The following DNAJB5 variants were observed in gnomAD, a reference collection of about 807,000 sequenced individuals.
DNAJB5 encodes DnaJ heat shock protein family (Hsp40) member B5.
DNAJB5 carries 12 observed loss-of-function variants against 32.6 expected under a neutral mutation model. The observed-to-expected ratio is 0.37, with a 90% CI of 0.24 to 0.60. The LOEUF (loss-of-function observed/expected upper bound fraction) is 0.60. DNAJB5 is among the 20% of genes least tolerant of loss of function. DNAJB5 has a pLI of 0.71. For synonymous variants in DNAJB5, 188 were observed against 212.9 expected (o/e 0.88, Z 1.02); for missense variants, 358 against 554.2 (o/e 0.65, Z 3.55).
In DNAJB5 at chr9:34,996,145, TG is replaced by T; in HGVS notation, c.428-117del. 1 of 1,343,338 alleles carries T rather than the reference TG, an allele frequency of 7.4e-7. No individual in the cohort carries two copies. The highest frequency in any genetic ancestry group is 1.0e-6 in the Non-Finnish European group (1 of 1,002,410). 83.2% of individuals were successfully genotyped at this position (1,343,338 alleles called of 1,614,324 possible). A position where few individuals can be genotyped will look rare whatever the true frequency, so the allele number is the denominator to read the frequency against. On this transcript the variant is annotated intron_variant, in intron 3 of 4. Transcript: ENST00000682809. The surrounding 1 kb of genome is among the most constrained non-coding windows in gnomAD (Gnocchi z 7.2). ...TACTCTATTAGCCTGGCCCTCTCTG[TG>T]GGATTTAAAGGTTGCTTCTTTCTTT...
chr9:34,996,613 C>T lies in DNAJB5; in HGVS notation c.776C>T (p.Thr259Ile). Reference sequence around the variant, plus strand: ...CTGGAGGAGATCTACCATGGCTCCACCAAGCGCATGAAGATCACAAGGCGT... The same window carrying T: ...CTGGAGGAGATCTACCATGGCTCCATCAAGCGCATGAAGATCACAAGGCGT... ...VSLEEIYHGS[T>I]KRMKITRRRL... Residue 259 changes from threonine to isoleucine, a missense_variant, in exon 4 of 5, where the codon ACC becomes ATC. By Grantham distance (89) the Thr-to-Ile change is moderately conservative. This residue lies in a region of DNAJB5 where 248 missense variants were observed against 442.6 expected (regional missense o/e 0.56). Coordinates refer to ENST00000682809, the MANE Select transcript of DNAJB5 (RefSeq NM_001349723.3). This position sits in a 1 kb window ranked among gnomAD's most constrained non-coding sequence, Gnocchi z 7.2. 1 of 1,614,186 alleles carries T rather than the reference C, an allele frequency of 6.2e-7. No individual in the cohort carries two copies. The highest frequency in any genetic ancestry group is 2.2e-5 in the East Asian group (1 of 44,862).
At position 34,990,134 on chromosome 9, in the gene DNAJB5, G is replaced by A. The variant is rs978440840; in HGVS notation, c.-133+303G>A. 26 of 773,022 alleles carry A rather than the reference G, an allele frequency of 3.4e-5. No individual in the cohort carries two copies. The highest frequency in any genetic ancestry group is 3.2e-4 in the African/African-American group (18 of 56,566). 47.9% of individuals were successfully genotyped at this position (773,022 alleles called of 1,614,324 possible). ...GCCAGCCAGCGCGGGTGACATCACC[G>A]ACCACCCTCCCCCGCCCGAGCCCCC... On this transcript the variant is annotated intron_variant, in intron 1 of 4. Transcript: ENST00000682809. This position sits in a 1 kb window ranked among gnomAD's most constrained non-coding sequence, Gnocchi z 4.5.
In DNAJB5 at chr9:34,997,069, G is replaced by A. The variant is rs1384794690; in HGVS notation, c.1073G>A (p.Arg358Gln). ...GTGAACATTCCCACTATCGACGGCC[G>A]AGTGATCCCTTTGCCCTGCAATGAT... is the stretch of plus-strand genomic sequence containing the variant. Reference protein sequence around the residue: ...CTVNIPTIDGRVIPLPCNDVI... With the variant: ...CTVNIPTIDGQVIPLPCNDVI... Residue 358 changes from arginine to glutamine, a missense_variant, in exon 5 of 5, where the codon CGA becomes CAA. By Grantham distance (43) the Arg-to-Gln change is conservative. Around this residue, in one of 2 missense-constraint regions of DNAJB5, gnomAD observed 248 missense variants for 442.6 expected, o/e 0.56. Coordinates refer to ENST00000682809, the MANE Select transcript of DNAJB5 (RefSeq NM_001349723.3). This position sits in a 1 kb window ranked among gnomAD's most constrained non-coding sequence, Gnocchi z 4.1. 6.2e-7 allele frequency: 1 copy of A among 1,614,040 alleles called. No individual in the cohort carries two copies. Among genetic ancestry groups the A allele is most frequent in the Non-Finnish European group, 8.5e-7 (1 of 1,180,044 alleles).
chr9:34,993,343 A>G lies in DNAJB5; in HGVS notation c.326A>G (p.Lys109Arg), dbSNP rs1827706588. The G allele has an allele frequency of 6.2e-7, 1 of 1,614,028 alleles. No homozygotes were observed. The highest frequency in any genetic ancestry group is 1.1e-5 in the South Asian group (1 of 91,088). Residue 109 changes from lysine (K) to arginine (R), a missense_variant, in exon 3 of 5, where the codon AAA becomes AGA. Transcript: ENST00000682809. This position sits in a 1 kb window ranked among gnomAD's most constrained non-coding sequence, Gnocchi z 4.7. ...MALKYHPDKN[K>R]EPNAEEKFKE... ...TTGAAGTACCACCCAGACAAGAATA[A>G]AGAACCCAACGCTGAGGAGAAGTTT...
chr9:34,994,200 TCA>T (rs1827732080), intron 3 of DNAJB5, among the ~76,000 whole-genome samples: 1 of 152,228 alleles, frequency 6.6e-6, no homozygotes, highest in South Asian at 2.1e-4. Flanking sequence ...AGAGACATTG[TCA>T]CGCTGAGGAC....
rs561175597 is a variant in DNAJB5 at position 34,993,643 on chromosome 9, C to T, written c.427+199C>T. 6.6e-6 allele frequency among the ~76,000 whole-genome samples: 1 copy of T among 152,262 alleles called. No homozygotes were observed. Among genetic ancestry groups the T allele is most frequent in the South Asian group, 2.1e-4 (1 of 4,820 alleles). On this transcript the variant is annotated intron_variant, in intron 3 of 4. Transcript: ENST00000682809. This position sits in a 1 kb window ranked among gnomAD's most constrained non-coding sequence, Gnocchi z 4.7. ...CCCTAGTTCTCCCCGCCTCTCTCTG[C>T]CCCCTCCCTCCTCGGGTTCAGGCCT... is the stretch of plus-strand genomic sequence containing the variant.
In DNAJB5 at chr9:34,991,729, A is replaced by C. The variant is rs561677350; in HGVS notation, c.182+917A>C. 247 of 199,198 alleles carry C rather than the reference A, an allele frequency of 1.2e-3. 1 individual carries two copies. The highest frequency in any genetic ancestry group is 2.5e-3 in the Admixed American group (30 of 12,184). 12.3% of individuals were successfully genotyped at this position (199,198 alleles called of 1,614,324 possible). ...CTCTCCCAACCCCACCCCCCACCCC[A>C]TCTCCCCCACAGACGTGACATGCTG... On this transcript the variant is annotated intron_variant, in intron 2 of 4. Coordinates refer to ENST00000682809, the MANE Select transcript of DNAJB5 (RefSeq NM_001349723.3).
At position 34,997,534 on chromosome 9, in the gene DNAJB5, G is replaced by T. The variant is rs1827836466; in HGVS notation, c.*275G>T. On this transcript the variant is annotated 3_prime_UTR_variant, in exon 5 of 5. Transcript: ENST00000682809. The surrounding 1 kb of genome is among the most constrained non-coding windows in gnomAD (Gnocchi z 4.1). Reference sequence around the variant, plus strand: ...TCCAGTTTCCACTGCAGTGGCTGGAGAGTGACCTGAGTGCTACTTGAAGAT... The same window carrying T: ...TCCAGTTTCCACTGCAGTGGCTGGATAGTGACCTGAGTGCTACTTGAAGAT... 1.8e-5 allele frequency: 10 copies of T among 570,544 alleles called. No homozygotes were observed. The Admixed American group carries it at 2.5e-4, about 14-fold the overall frequency. The allele number at this position is 570,544 out of a possible 1,614,324, so 35.3% of individuals were successfully genotyped here.
chr9:34,991,822 G>A (rs1388792678), intron 2 of DNAJB5: 1 of 204,132 alleles, frequency 4.9e-6, no homozygotes, highest in Admixed American at 5.4e-5. Flanking sequence ...GTGACTCCCA[G>A]AACCATGAGT....
In DNAJB5 at chr9:34,990,461, C is replaced by G. The variant is rs1343342741; in HGVS notation, c.-132-38C>G. On this transcript the variant is annotated intron_variant, in intron 1 of 4. Transcript: ENST00000682809. The surrounding 1 kb of genome is among the most constrained non-coding windows in gnomAD (Gnocchi z 4.5). The stretch of plus-strand genomic sequence containing the variant: ...TGCTGCACCTGAGAGCAGGTGGCCG[C>G]GGGTCTTCTCCCTTCACTCTCCACA... 3 of 1,534,928 alleles carry G rather than the reference C, an allele frequency of 2.0e-6. No individual in the cohort carries two copies. Among genetic ancestry groups the G allele is most frequent in the Non-Finnish European group, 2.6e-6 (3 of 1,146,308 alleles).
intron 1 of DNAJB5, 21 bp downstream of exon 1, chr9:34,989,852 C>T: frequency 8.1e-7 from 1 of 1,237,166 alleles, no homozygotes; most frequent in Non-Finnish European, 1.0e-6. Flanking sequence ...CAAGCCAGGA[C>T]TCGGGGGTCC....
chr9:34,990,259 G>C lies in DNAJB5; in HGVS notation c.-132-240G>C. On this transcript the variant is annotated intron_variant, in intron 1 of 4. Transcript: ENST00000682809. The surrounding 1 kb of genome is among the most constrained non-coding windows in gnomAD (Gnocchi z 4.5). ...CTCCCGTCAGTGACTTCATTGAGTA[G>C]GTTCTTGGGGATTGGGGTCGGGTCC... 1 of 1,351,440 alleles carries C rather than the reference G, an allele frequency of 7.4e-7. No individual in the cohort carries two copies. The allele number at this position is 1,351,440 out of a possible 1,614,324, so 83.7% of individuals were successfully genotyped here. A position where few individuals can be genotyped will look rare whatever the true frequency, so the allele number is the denominator to read the frequency against.
Position 34,990,141 on chromosome 9 carries a change from CT to C in DNAJB5, c.-133+311del. ...AGCGCGGGTGACATCACCGACCACC[CT>C]CCCCCGCCCGAGCCCCCTCCCCTCC... is the stretch of plus-strand genomic sequence containing the variant. On this transcript the variant is annotated intron_variant, in intron 1 of 4. Transcript: ENST00000682809. This position sits in a 1 kb window ranked among gnomAD's most constrained non-coding sequence, Gnocchi z 4.5. 1.3e-6 allele frequency: 1 copy of C among 758,684 alleles called. No homozygotes were observed. The highest frequency in any genetic ancestry group is 2.0e-6 in the Non-Finnish European group (1 of 502,054). The allele number at this position is 758,684 out of a possible 1,614,324, so 47.0% of individuals were successfully genotyped here.
intron 2 of DNAJB5, chr9:34,991,046 C>A: frequency 1.8e-6 from 1 of 570,492 alleles, no homozygotes; most frequent in East Asian, 3.0e-5. Flanking sequence ...TATTTCAACT[C>A]TCCACATTCC....
chr9:34,990,210 C>A lies in DNAJB5; in HGVS notation c.-132-289C>A. 1 of 1,308,888 alleles carries A rather than the reference C, an allele frequency of 7.6e-7. No individual in the cohort carries two copies. The highest frequency in any genetic ancestry group is 9.9e-7 in the Non-Finnish European group (1 of 1,008,184). 81.1% of individuals were successfully genotyped at this position (1,308,888 alleles called of 1,614,324 possible). ...TTGTCCCGGCCGAGCTCCGCTCTGC[C>A]CCGCCCATCTGCGAGGGAGGAGACT... On this transcript the variant is annotated intron_variant, in intron 1 of 4. Transcript: ENST00000682809. The surrounding 1 kb of genome is among the most constrained non-coding windows in gnomAD (Gnocchi z 4.5).
chr9:34,991,678 C>CCG lies in DNAJB5; in HGVS notation c.182+867_182+868insGC, dbSNP rs1554662753. The CCG allele has an allele frequency of 8.0e-5, 21 of 262,840 alleles. 1 individual carries two copies. Among genetic ancestry groups the CCG allele is most frequent in the Admixed American group, 4.1e-4 (8 of 19,740 alleles). The allele number at this position is 262,840 out of a possible 1,614,324, so 16.3% of individuals were successfully genotyped here. A position where few individuals can be genotyped will look rare whatever the true frequency, so the allele number is the denominator to read the frequency against. On this transcript the variant is annotated intron_variant, in intron 2 of 4. Coordinates refer to ENST00000682809, the MANE Select transcript of DNAJB5 (RefSeq NM_001349723.3). The stretch of plus-strand genomic sequence containing the variant: ...TTTCCGAAAACGGTTGCCCCCCCCC[C>CCG]CAACGAGGTGCTCTTTCTTCTCTGC...
At chr9:34,992,989 G>A in intron 2 of DNAJB5, 1 of 1,400,392 alleles carries the variant, frequency 7.1e-7, no homozygotes, top group Non-Finnish European at 9.3e-7. Flanking sequence ...CCCAGGAGGT[G>A]AGGACGGAAT....
In DNAJB5 at chr9:34,994,204, G is replaced by C. The variant is rs1264614621; in HGVS notation, c.427+760G>C. The stretch of plus-strand genomic sequence containing the variant: ...AGGCTATATTAAGAGACATTGTCAC[G>C]CTGAGGACTCTCCTTCCTGGGAAGA... On this transcript the variant is annotated intron_variant, in intron 3 of 4. Transcript: ENST00000682809. Among the ~76,000 whole-genome samples the C allele has an allele frequency of 8.5e-5, 13 of 152,346 alleles. No individual in the cohort carries two copies. In the East Asian group the frequency reaches 2.3e-3, roughly 27 times the overall value.
intron 2 of DNAJB5, chr9:34,992,871 C>T (rs1435291025): frequency 1.7e-6 from 2 of 1,172,508 alleles, no homozygotes; most frequent in African/African-American, 1.6e-5. Flanking sequence ...GTCCATGGTG[C>T]CACCTCGCTC....
Sources: allele counts gnomAD v4.1 joint callset (sites outside exome capture counted in the v4.1 genomes callset), GRCh38; gene constraint gnomAD v4.1.1; regional missense constraint gnomAD v4.1.1; non-coding constraint Gnocchi (gnomAD v3.1); transcripts MANE v1.5; gene names NCBI Gene and HGNC (gene_info 2026-07-23, HGNC 2026-07-21).